The following ACTR2 variants were observed in gnomAD, a reference collection of about 807,000 sequenced individuals.
The protein encoded by ACTR2 is actin-related protein 2.
In ACTR2, 5 loss-of-function variants were observed where a neutral mutation model predicts 50.2. That is an observed-to-expected ratio of 0.10 (90% CI 0.05 to 0.21). The LOEUF is 0.21. Among genes scored for constraint, ACTR2 ranks in the 10% least tolerant of loss-of-function variants. ACTR2 has a pLI of 1.00. For missense variants in ACTR2, 180 were observed against 480.6 expected (o/e 0.37, Z 5.85); for synonymous variants, 140 against 162.9 (o/e 0.86, Z 1.07).
intron 7 of ACTR2, among the ~76,000 whole-genome samples, chr2:65,263,129 G>A (rs950082486): frequency 6.6e-6 from 1 of 151,406 alleles, no homozygotes; most frequent in African/African-American, 2.4e-5. Flanking sequence ...CAACCTGGGT[G>A]GAGTGATTCT....
chr2:65,265,791 A>G (rs1176650600), intron 8 of ACTR2, among the ~76,000 whole-genome samples: 2 of 152,226 alleles, frequency 1.3e-5, no homozygotes, highest in Non-Finnish European at 2.9e-5. Context: ...TATGTGAAGT[A>G]TACAGTATGT....
intron 2 of ACTR2, chr2:65,242,678 C>CA (rs1558622300): frequency 3.9e-6 from 2 of 508,600 alleles, no homozygotes; most frequent in Non-Finnish European, 7.9e-6. Flanking sequence ...AACAGATTTC[C>CA]CCCCCAAACA....
chr2:65,254,508 T>C (rs1672111078), intron 5 of ACTR2, among the ~76,000 whole-genome samples: 1 of 152,214 alleles, frequency 6.6e-6, no homozygotes, highest in African/African-American at 2.4e-5. Flanking sequence ...ATTTTTAATA[T>C]TAAAATAAAA....
intron 1 of ACTR2, among the ~76,000 whole-genome samples, chr2:65,232,351 G>C (rs1210421944): frequency 6.6e-6 from 1 of 152,244 alleles, no homozygotes; most frequent in Non-Finnish European, 1.5e-5. Context: ...TATAGTGCTA[G>C]AATAATTGCA....
chr2:65,268,715 T>C lies in ACTR2; in HGVS notation c.1166T>C (p.Leu389Pro). ...QEKGVRVLEKLGVTVR is the reference protein window; with the variant it reads ...QEKGVRVLEKPGVTVR ...AAGGGTGTCCGTGTGCTAGAGAAAC[T>C]TGGTGTGACTGTTCGATAAACTCCA... The change falls in exon 9 of 9, where the codon CTT (leucine) becomes CCT (proline). Residue 389 changes from leucine (L) to proline (P), a missense_variant. By Grantham distance (98) the Leu-to-Pro change is moderately conservative. Coordinates refer to ENST00000260641, the MANE Select transcript of ACTR2 (RefSeq NM_005722.4). 1 of 1,613,572 alleles carries C rather than the reference T, an allele frequency of 6.2e-7. No individual in the cohort carries two copies. The highest frequency in any genetic ancestry group is 8.5e-7 in the Non-Finnish European group (1 of 1,179,740).
chr2:65,254,412 G>T (rs1416138762), intron 5 of ACTR2, among the ~76,000 whole-genome samples: 2 of 152,048 alleles, frequency 1.3e-5, no homozygotes, highest in Non-Finnish European at 2.9e-5. Context: ...TACTATTTTA[G>T]TTTATTTCTG....
chr2:65,242,105 T>C (rs758731353), intron 2 of ACTR2: 1 of 1,445,980 alleles, frequency 6.9e-7, no homozygotes, highest in Admixed American at 1.7e-5. Context: ...TTTCCACTTT[T>C]GCTTGATGGG....
Position 65,253,881 on chromosome 2 carries a change from T to C in ACTR2, c.585+17T>C. 1 of 1,596,926 alleles carries C rather than the reference T, an allele frequency of 6.3e-7. No homozygotes were observed. Among genetic ancestry groups the C allele is most frequent in the Non-Finnish European group, 8.6e-7 (1 of 1,167,526 alleles). On this transcript the variant is annotated intron_variant, in intron 5 of 8. Transcript: ENST00000260641. Reference sequence around the variant, plus strand: ...CTTATCAAGGTAAGTGAAAGGAAAATATCATGGAAATTAAATTTTGTAATT... The same window carrying C: ...CTTATCAAGGTAAGTGAAAGGAAAACATCATGGAAATTAAATTTTGTAATT...
chr2:65,254,513 A>C (rs1672111202), intron 5 of ACTR2, among the ~76,000 whole-genome samples: 1 of 152,202 alleles, frequency 6.6e-6, no homozygotes, highest in Non-Finnish European at 1.5e-5. Context: ...TAATATTAAA[A>C]TAAAATTTAG....
At chr2:65,267,599 T>TC (rs2104026533) in intron 8 of ACTR2, among the ~76,000 whole-genome samples, 1 of 152,330 alleles carries the variant, frequency 6.6e-6, no homozygotes, top group South Asian at 2.1e-4. Context: ...TAAGGATGTG[T>TC]CCTTCCTAGA....
chr2:65,264,504 A>T (rs576111218), intron 7 of ACTR2, among the ~76,000 whole-genome samples: 1 of 152,346 alleles, frequency 6.6e-6, no homozygotes, highest in South Asian at 2.1e-4. Context: ...AGATATCAGA[A>T]TAGAGGGTAC....
chr2:65,229,766 A>ATG (rs70943639), intron 1 of ACTR2, among the ~76,000 whole-genome samples: 1 of 148,854 alleles, frequency 6.7e-6, no homozygotes, highest in Non-Finnish European at 1.5e-5. Flanking sequence ...AAAAAAAAAA[A>ATG]AAAAAGAAAA....
At chr2:65,248,093 T>A (rs1671973139) in intron 3 of ACTR2, among the ~76,000 whole-genome samples, 1 of 152,124 alleles carries the variant, frequency 6.6e-6, no homozygotes, top group African/African-American at 2.4e-5. Flanking sequence ...TATTGGTGCC[T>A]TGTAGGCTCT....
chr2:65,254,363 T>C (rs139344746), intron 5 of ACTR2, among the ~76,000 whole-genome samples: 1 of 152,166 alleles, frequency 6.6e-6, no homozygotes, highest in East Asian at 1.9e-4. Context: ...GACTTTAATA[T>C]TTAGTAGTTT....
intron 8 of ACTR2, among the ~76,000 whole-genome samples, chr2:65,267,325 A>G (rs935213479): frequency 6.6e-6 from 1 of 152,208 alleles, no homozygotes; most frequent in African/African-American, 2.4e-5. Context: ...CTGGCCCTTC[A>G]CAAAAAAAGT....
At chr2:65,257,314 G>T (rs578211661) in intron 6 of ACTR2, among the ~76,000 whole-genome samples, 1 of 152,294 alleles carries the variant, frequency 6.6e-6, no homozygotes, top group African/African-American at 2.4e-5. Context: ...ATTCCATGGT[G>T]TATATGTGCC....
rs13413445 is a variant in ACTR2 at position 65,252,012 on chromosome 2, T to C, written c.448+913T>C. On this transcript the variant is annotated intron_variant, in intron 4 of 8. Transcript: ENST00000260641. Reference sequence around the variant, plus strand: ...GTCAGATATGTGCCAAGGAGTCTTTTAGGCACTTCAGGGGATAATCCAGTG... The same window carrying C: ...GTCAGATATGTGCCAAGGAGTCTTTCAGGCACTTCAGGGGATAATCCAGTG... 6.9e-3 allele frequency among the ~76,000 whole-genome samples: 1,052 copies of C among 152,178 alleles called. 7 individuals are homozygous for C. Among genetic ancestry groups the C allele is most frequent in the Middle Eastern group, 0.027 (8 of 294 alleles).
chr2:65,261,184 C>G, intron 6 of ACTR2, 63 bp from the exon 7 acceptor site: 3 of 1,566,792 alleles, frequency 1.9e-6, no homozygotes, highest in Admixed American at 3.4e-5. Context: ...TACTAGTGTT[C>G]CGGAGAACAC....
At chr2:65,255,448 T>G (rs746142451) in intron 5 of ACTR2, 97 bp from the exon 6 acceptor site, 29 of 1,078,888 alleles carry the variant, frequency 2.7e-5, no homozygotes, top group Non-Finnish European at 3.5e-5. Context: ...CCATTCTGTT[T>G]GTTATTGATG....
Sources: gnomAD v4.1 joint callset for allele counts (sites outside exome capture counted in the v4.1 genomes callset) on GRCh38, gnomAD v4.1.1 for gene constraint, MANE v1.5 for transcripts, NCBI Gene and HGNC (gene_info 2026-07-23, HGNC 2026-07-21) for gene names.